The following EHBP1 variants were observed in gnomAD, a reference collection of about 807,000 sequenced individuals.
The protein encoded by EHBP1 is EH domain-binding protein 1.
EHBP1 carries 55 observed loss-of-function variants against 144.0 expected under a neutral mutation model. The ratio of observed to expected loss-of-function variants is 0.38; its 90% CI spans 0.31 to 0.48. The LOEUF (loss-of-function observed/expected upper bound fraction) is 0.48, where lower values mean the gene tolerates loss of function less well. Among genes scored for constraint, EHBP1 ranks in the 20% least tolerant of loss-of-function variants. The probability of loss-of-function intolerance (pLI) is 0.98; values close to 1 mark genes in which losing one functional copy is unlikely to be tolerated. For missense variants in EHBP1, 1,200 were observed against 1,364.2 expected (o/e 0.88, Z 1.90); for synonymous variants, 469 against 472.7 (o/e 0.99, Z 0.10).
chr2:62,900,682 G>GTATATATATATATATA lies in EHBP1; in HGVS notation c.1185+26151_1185+26152insATATATATATATATAT, dbSNP rs1445035888. Among the ~76,000 whole-genome samples the GTATATATATATATATA allele has an allele frequency of 5.9e-4, 85 of 144,476 alleles. 3 individuals are homozygous for GTATATATATATATATA. The highest frequency in any genetic ancestry group is 2.2e-3 in the African/African-American group (80 of 35,664). The allele number at this position is 144,476 out of a possible 152,430, so 94.8% of individuals were successfully genotyped here. A position where few individuals can be genotyped will look rare whatever the true frequency, so the allele number is the denominator to read the frequency against. ...TTGTTTTTTGTGGGTGTGTGTGTAT[G>GTATATATATATATATA]TGTATATATATATATATATATTTTC... On this transcript the variant is annotated intron_variant, in intron 10 of 22. Transcript: ENST00000431489.
chr2:62,793,905 A>G (rs1343163722), intron 5 of EHBP1, among the ~76,000 whole-genome samples: 2 of 152,124 alleles, frequency 1.3e-5, no homozygotes, highest in African/African-American at 2.4e-5. Context: ...TGTCAGAGGA[A>G]CTATCTGTGA....
At chr2:62,696,334 C>T (rs2034091548) in intron 1 of EHBP1, among the ~76,000 whole-genome samples, 1 of 151,706 alleles carries the variant, frequency 6.6e-6, no homozygotes, top group Admixed American at 6.6e-5. Context: ...CCACACCTGG[C>T]TAATTTTTGT....
intron 10 of EHBP1, among the ~76,000 whole-genome samples, chr2:62,925,364 G>GA (rs767177649): frequency 1.3e-3 from 178 of 138,630 alleles, no homozygotes; most frequent in Middle Eastern, 3.6e-3. Context: ...AATTAGGCAA[G>GA]AAAAAAAAAA....
intron 7 of EHBP1, among the ~76,000 whole-genome samples, chr2:62,854,018 A>G (rs2048860409): frequency 6.6e-6 from 1 of 152,226 alleles, no homozygotes; most frequent in South Asian, 2.1e-4. Context: ...TACATTTAGC[A>G]TCATTTTTAA....
chr2:63,042,662 T>C (rs556193049), intron 21 of EHBP1, among the ~76,000 whole-genome samples: 1 of 152,110 alleles, frequency 6.6e-6, no homozygotes, highest in East Asian at 1.9e-4. Context: ...TAAGATATTT[T>C]AAATTACTCA....
intron 5 of EHBP1, among the ~76,000 whole-genome samples, chr2:62,813,685 G>A (rs1254148056): frequency 1.3e-5 from 2 of 152,224 alleles, no homozygotes; most frequent in Non-Finnish European, 2.9e-5. Context: ...ATGTGCCCCA[G>A]TGTGCCTAGG....
intron 10 of EHBP1, among the ~76,000 whole-genome samples, chr2:62,915,613 G>A (rs941892752): frequency 2.6e-5 from 4 of 152,054 alleles, no homozygotes; most frequent in Non-Finnish European, 5.9e-5. Context: ...ATACTTTATA[G>A]ATTTGATATA....
intron 4 of EHBP1, among the ~76,000 whole-genome samples, chr2:62,769,469 A>G (rs1013059073): frequency 1.3e-5 from 2 of 152,126 alleles, no homozygotes; most frequent in African/African-American, 2.4e-5. Context: ...AAAGATCTAT[A>G]TGATGAAAAC....
At chr2:62,925,697 A>G (rs1342131878) in intron 10 of EHBP1, among the ~76,000 whole-genome samples, 4 of 152,090 alleles carry the variant, frequency 2.6e-5, no homozygotes, top group Non-Finnish European at 5.9e-5. Context: ...AATTAATTTA[A>G]CCAAGGAGGT....
intron 2 of EHBP1, among the ~76,000 whole-genome samples, chr2:62,731,107 A>G (rs2037553781): frequency 1.3e-5 from 2 of 151,504 alleles, no homozygotes; most frequent in Admixed American, 1.3e-4. Context: ...TTTTTCCCAT[A>G]GATCTTGTAT....
At chr2:62,797,489 T>C (rs1344730603) in intron 5 of EHBP1, among the ~76,000 whole-genome samples, 3 of 152,258 alleles carry the variant, frequency 2.0e-5, no homozygotes, top group Non-Finnish European at 4.4e-5. Flanking sequence ...TCAAAGATAC[T>C]ACCTGTTAGT....
chr2:63,040,855 C>T (rs2061628503), intron 21 of EHBP1, among the ~76,000 whole-genome samples: 1 of 152,206 alleles, frequency 6.6e-6, no homozygotes, highest in Non-Finnish European at 1.5e-5. Flanking sequence ...ACAGTGTCCT[C>T]TGAGCCAACC....
intron 7 of EHBP1, among the ~76,000 whole-genome samples, chr2:62,856,041 A>C (rs2049028022): frequency 6.6e-6 from 1 of 152,114 alleles, no homozygotes; most frequent in African/African-American, 2.4e-5. Flanking sequence ...GGAGCTACCC[A>C]CTGCGAGTCT....
At chr2:62,778,506 T>G (rs574197398) in intron 5 of EHBP1, among the ~76,000 whole-genome samples, 1 of 148,682 alleles carries the variant, frequency 6.7e-6, no homozygotes, top group East Asian at 2.0e-4. Flanking sequence ...ATTGCGCCAC[T>G]GTACTCCAGC....
At position 62,987,896 on chromosome 2, in the gene EHBP1, T is replaced by C. The variant is rs191101514; in HGVS notation, c.2609-2820T>C. On this transcript the variant is annotated intron_variant, in intron 15 of 22. Transcript: ENST00000431489. Reference sequence around the variant, plus strand: ...TTGGATGAATGATATAAAATATAAATAATATACTAACATTATTGCTACATG... The same window carrying C: ...TTGGATGAATGATATAAAATATAAACAATATACTAACATTATTGCTACATG... The C allele has an allele frequency of 5.6e-5, 64 of 1,140,304 alleles. 1 individual carries two copies. In the Admixed American group the frequency reaches 1.4e-3, roughly 25 times the overall value. The allele number at this position is 1,140,304 out of a possible 1,614,324, so 70.6% of individuals were successfully genotyped here.
chr2:62,834,749 A>G (rs2047081035), intron 7 of EHBP1, among the ~76,000 whole-genome samples: 1 of 152,194 alleles, frequency 6.6e-6, no homozygotes, highest in African/African-American at 2.4e-5. Flanking sequence ...GGGTCCACCT[A>G]TACAATATGT....
intron 19 of EHBP1, among the ~76,000 whole-genome samples, chr2:63,012,661 A>G (rs2153234317): frequency 6.6e-6 from 1 of 152,316 alleles, no homozygotes; most frequent in East Asian, 1.9e-4. Context: ...TGTCCAAAGT[A>G]CTGTTAGGAT....
intron 14 of EHBP1, among the ~76,000 whole-genome samples, chr2:62,978,500 C>A (rs2058817387): frequency 6.6e-6 from 1 of 152,028 alleles, no homozygotes; most frequent in Non-Finnish European, 1.5e-5. Context: ...CGTGCCCAGC[C>A]AATAATCCTT....
intron 2 of EHBP1, among the ~76,000 whole-genome samples, chr2:62,739,907 G>T (rs540957182): frequency 1.4e-5 from 2 of 145,624 alleles, no homozygotes; most frequent in Non-Finnish European, 3.0e-5. Context: ...TTGTACTCCA[G>T]CCTGGGCTAG....
Sources: gnomAD v4.1 joint callset for allele counts (sites outside exome capture counted in the v4.1 genomes callset) on GRCh38, gnomAD v4.1.1 for gene constraint, MANE v1.5 for transcripts, NCBI Gene and HGNC (gene_info 2026-07-23, HGNC 2026-07-21) for gene names.